The following ARL15 variants were observed in gnomAD, a reference collection of about 807,000 sequenced individuals.
ARL15 encodes ARF like GTPase 15.
A neutral mutation model predicts 25.2 loss-of-function variants in ARL15; 19 were observed. The observed-to-expected ratio is 0.75, with a 90% CI of 0.53 to 1.10. ARL15 has a LOEUF of 1.10. ARL15 is among the 50% of genes least tolerant of loss of function. The pLI is 0.00. For synonymous variants in ARL15, 94 were observed against 86.8 expected (o/e 1.08, Z -0.46); for missense variants, 220 against 246.0 (o/e 0.89, Z 0.71).
At chr5:54,309,171 C>T (rs1277079534) in intron 1 of ARL15, among the ~76,000 whole-genome samples, 2 of 152,216 alleles carry the variant, frequency 1.3e-5, no homozygotes, top group African/African-American at 4.8e-5. Flanking sequence ...AAGGAAGTTA[C>T]TGCCATCAAC....
intron 4 of ARL15, among the ~76,000 whole-genome samples, chr5:53,991,542 C>CAAAAAA (rs760743257): frequency 2.5e-5 from 1 of 40,668 alleles, no homozygotes; most frequent in African/African-American, 1.1e-4. Flanking sequence ...AACTCCATCT[C>CAAAAAA]AAAAAAAAAA....
intron 1 of ARL15, among the ~76,000 whole-genome samples, chr5:54,231,910 C>T (rs574417484): frequency 2.1e-4 from 32 of 152,260 alleles, no homozygotes; most frequent in African/African-American, 7.0e-4. Context: ...GGGGACAGAG[C>T]CTCAACATAT....
chr5:54,279,349 G>T (rs914023402), intron 1 of ARL15, among the ~76,000 whole-genome samples: 19 of 151,874 alleles, frequency 1.3e-4, no homozygotes, highest in Non-Finnish European at 2.5e-4. Flanking sequence ...CACAGGTCTA[G>T]AGCCTGGAAG....
intron 4 of ARL15, among the ~76,000 whole-genome samples, chr5:54,103,996 T>A (rs1407917376): frequency 2.0e-5 from 3 of 152,240 alleles, no homozygotes; most frequent in African/African-American, 4.8e-5. Context: ...TTCTGTAGTC[T>A]GGCTTTGCTG....
At chr5:54,022,540 T>G (rs255747) in intron 4 of ARL15, among the ~76,000 whole-genome samples, 100,376 of 151,448 alleles carry the variant, frequency 0.66, 33,426 homozygotes, top group East Asian at 0.84. Context: ...CCACCTATTC[T>G]GAAGATTGCT....
chr5:53,928,559 AT>A (rs1746102200), intron 4 of ARL15, among the ~76,000 whole-genome samples: 1 of 152,194 alleles, frequency 6.6e-6, no homozygotes, highest in Admixed American at 6.5e-5. Flanking sequence ...TTACAAACAA[AT>A]AGAGCCAGGT....
chr5:53,939,738 AAAAAT>A (rs555650327), intron 4 of ARL15, among the ~76,000 whole-genome samples: 246 of 152,252 alleles, frequency 1.6e-3, no homozygotes, highest in Non-Finnish European at 2.7e-3. Flanking sequence ...CGTCTCAAAA[AAAAAT>A]AAAATAAAAT....
At chr5:54,221,397 G>T (rs1023114365) in intron 1 of ARL15, among the ~76,000 whole-genome samples, 4 of 152,204 alleles carry the variant, frequency 2.6e-5, no homozygotes, top group Admixed American at 2.6e-4. Context: ...AGAGGGATTT[G>T]CTGATTTGTC....
At chr5:54,056,287 A>G (rs1055484269) in intron 4 of ARL15, among the ~76,000 whole-genome samples, 11 of 151,800 alleles carry the variant, frequency 7.2e-5, no homozygotes, top group Non-Finnish European at 1.0e-4. Flanking sequence ...ATTATGACCA[A>G]TAATAAAAGC....
At chr5:54,265,821 CTT>C (rs1224054746) in intron 1 of ARL15, among the ~76,000 whole-genome samples, 1 of 152,118 alleles carries the variant, frequency 6.6e-6, no homozygotes, top group Non-Finnish European at 1.5e-5. Context: ...TACAAACTGA[CTT>C]TGTGTATGAG....
At chr5:54,143,579 A>G (rs997433298) in intron 3 of ARL15, among the ~76,000 whole-genome samples, 1 of 152,028 alleles carries the variant, frequency 6.6e-6, no homozygotes, top group Non-Finnish European at 1.5e-5. Context: ...GTGGTTATTG[A>G]TACAGATATA....
intron 1 of ARL15, among the ~76,000 whole-genome samples, chr5:54,289,010 A>T (rs1758252605): frequency 6.6e-6 from 1 of 152,172 alleles, no homozygotes; most frequent in Admixed American, 6.5e-5. Flanking sequence ...ACTTCAAGCA[A>T]AAGAATTTTC....
At chr5:54,217,429 TA>T (rs904974149) in intron 1 of ARL15, among the ~76,000 whole-genome samples, 1 of 152,132 alleles carries the variant, frequency 6.6e-6, no homozygotes, top group Non-Finnish European at 1.5e-5. Flanking sequence ...AAGAGCAGCC[TA>T]TTTTTCTGTA....
At chr5:54,289,299 C>G (rs1758261871) in intron 1 of ARL15, among the ~76,000 whole-genome samples, 1 of 151,860 alleles carries the variant, frequency 6.6e-6, no homozygotes, top group Non-Finnish European at 1.5e-5. Flanking sequence ...AGCCTACACT[C>G]CAGTGGTAGT....
At chr5:54,039,025 A>T (rs1229645846) in intron 4 of ARL15, among the ~76,000 whole-genome samples, 6 of 152,194 alleles carry the variant, frequency 3.9e-5, no homozygotes, top group Non-Finnish European at 8.8e-5. Flanking sequence ...TGAAGTGCTG[A>T]GATTGCCAGA....
At chr5:54,195,530 C>T (rs1393884114) in intron 1 of ARL15, among the ~76,000 whole-genome samples, 3 of 152,118 alleles carry the variant, frequency 2.0e-5, no homozygotes, top group Non-Finnish European at 2.9e-5. Context: ...CTCTAGTCCA[C>T]TTATAAGCAC....
intron 1 of ARL15, among the ~76,000 whole-genome samples, chr5:54,205,527 T>C (rs1415538056): frequency 1.3e-5 from 2 of 152,180 alleles, no homozygotes; most frequent in African/African-American, 4.8e-5. Flanking sequence ...GGCTGGCCCA[T>C]CTGACACTTA....
In ARL15 at chr5:53,920,527, C is replaced by T. The variant is rs555362821; in HGVS notation, c.463-33814G>A. Among the ~76,000 whole-genome samples the T allele has an allele frequency of 1.1e-4, 17 of 151,982 alleles. No homozygotes were observed. The South Asian group carries it at 3.5e-3, about 32-fold the overall frequency. On this transcript the variant is annotated intron_variant, in intron 4 of 4. Transcript: ENST00000504924. ...TTTTTTTTTAAAAAGTATCTGCCAG[C>T]AGGTGCAGTGGTTCATGACTGCAAT...
intron 4 of ARL15, among the ~76,000 whole-genome samples, chr5:54,024,476 C>A (rs1001328061): frequency 6.6e-6 from 1 of 152,068 alleles, no homozygotes; most frequent in African/African-American, 2.4e-5. Flanking sequence ...AGTAAAAAGA[C>A]ACAATTTTAA....
Sources: gnomAD v4.1 joint callset for allele counts (sites outside exome capture counted in the v4.1 genomes callset) on GRCh38, gnomAD v4.1.1 for gene constraint, MANE v1.5 for transcripts, NCBI Gene and HGNC (gene_info 2026-07-23, HGNC 2026-07-21) for gene names.